ANXA4: variants seen among roughly 807,000 people sequenced by gnomAD.
ANXA4 encodes annexin A4.
ANXA4 carries 39 observed loss-of-function variants against 49.8 expected under a neutral mutation model. The observed-to-expected ratio is 0.78, with a 90% CI of 0.61 to 1.02. The LOEUF is 1.02. Ranked by LOEUF, ANXA4 falls within the 50% of genes least tolerant of loss-of-function variation. The pLI is 0.00. For missense variants in ANXA4, 360 were observed against 410.1 expected (o/e 0.88, Z 1.05); for synonymous variants, 134 against 152.5 (o/e 0.88, Z 0.89).
chr2:69,675,081 C>T (rs1677352692), intron 2 of ANXA4, among the ~76,000 whole-genome samples: 1 of 152,090 alleles, frequency 6.6e-6, no homozygotes, highest in African/African-American at 2.4e-5. Flanking sequence ...TGTCACCATG[C>T]CCGGCTAATT....
chr2:69,743,088 C>G, intron 1 of ANXA4, among the ~76,000 whole-genome samples: 1 of 151,996 alleles, frequency 6.6e-6, no homozygotes. Flanking sequence ...ATACAGTTCA[C>G]TCTGCCTCCC....
At chr2:69,820,607 C>T (rs967474939) in intron 11 of ANXA4, 92 bp from the exon 12 acceptor site, 1 of 1,472,188 alleles carries the variant, frequency 6.8e-7, no homozygotes, top group African/African-American at 1.4e-5. Context: ...ATCGTCAGCA[C>T]AGTCATCTCT....
intron 6 of ANXA4, 100 bp downstream of exon 6, chr2:69,808,096 G>C: frequency 8.7e-7 from 1 of 1,143,932 alleles, no homozygotes. Flanking sequence ...TTCACAGAAC[G>C]CTGAGCATGA....
At chr2:69,647,527 G>A (rs1676056538) in intron 1 of ANXA4, among the ~76,000 whole-genome samples, 2 of 151,830 alleles carry the variant, frequency 1.3e-5, no homozygotes, top group African/African-American at 4.8e-5. Context: ...TTGTGCCTCA[G>A]CCTCCCGAGT....
intron 1 of ANXA4, among the ~76,000 whole-genome samples, chr2:69,743,043 C>G (rs1256897995): frequency 1.3e-5 from 2 of 152,176 alleles, no homozygotes; most frequent in African/African-American, 4.8e-5. Context: ...GACGAGGTCT[C>G]ACTCCTGTAG....
chr2:69,768,983 G>T (rs1225392153), intron 1 of ANXA4, among the ~76,000 whole-genome samples: 1 of 151,960 alleles, frequency 6.6e-6, no homozygotes, highest in East Asian at 1.9e-4. Flanking sequence ...AAATTCCAAA[G>T]GTCTCTAGTC....
chr2:69,753,735 CTTA>C (rs1225405608), intron 1 of ANXA4, among the ~76,000 whole-genome samples: 1 of 151,268 alleles, frequency 6.6e-6, no homozygotes, highest in African/African-American at 2.5e-5. Context: ...CCTTGGACCA[CTTA>C]TTATTTCCTC....
At chr2:69,663,513 T>C (rs527691455) in intron 2 of ANXA4, among the ~76,000 whole-genome samples, 1 of 151,868 alleles carries the variant, frequency 6.6e-6, no homozygotes, top group East Asian at 1.9e-4. Context: ...AGATCAGAAA[T>C]GCTGGGCATG....
intron 2 of ANXA4, among the ~76,000 whole-genome samples, chr2:69,698,104 G>C (rs1448030971): frequency 6.6e-6 from 1 of 152,118 alleles, no homozygotes; most frequent in Non-Finnish European, 1.5e-5. Context: ...AGTCTGATGT[G>C]GCCTGCTTTC....
At chr2:69,684,927 C>T (rs1245740504) in intron 2 of ANXA4, among the ~76,000 whole-genome samples, 1 of 152,008 alleles carries the variant, frequency 6.6e-6, no homozygotes, top group Non-Finnish European at 1.5e-5. Flanking sequence ...AGAAAGAGCC[C>T]AAAGCTGCTC....
At chr2:69,675,150 C>T (rs1194945899) in intron 2 of ANXA4, among the ~76,000 whole-genome samples, 2 of 152,128 alleles carry the variant, frequency 1.3e-5, no homozygotes, top group East Asian at 1.9e-4. Flanking sequence ...TCTCGATCTC[C>T]TGTCCTCGTG....
At position 69,703,599 on chromosome 2, in the gene ANXA4, G is replaced by A. The variant is rs1390071960; in HGVS notation, n.767-17175G>A. Among the ~76,000 whole-genome samples, 6 of 152,080 alleles carry A rather than the reference G, an allele frequency of 3.9e-5. No individual in the cohort carries two copies. The East Asian group carries it at 1.2e-3, about 29-fold the overall frequency. On this transcript the variant is annotated intron_variant and non_coding_transcript_variant, in intron 2 of 3. Coordinates refer to the ANXA4 transcript ENST00000418066. ...TCATACTCTTTCTGGAATTTACTTTGATGAAAGAAGAGGAGTTATACAGCT... is the reference window on the plus strand; with the variant it reads ...TCATACTCTTTCTGGAATTTACTTTAATGAAAGAAGAGGAGTTATACAGCT...
At chr2:69,698,814 C>T (rs781061634) in intron 2 of ANXA4, among the ~76,000 whole-genome samples, 1 of 152,134 alleles carries the variant, frequency 6.6e-6, no homozygotes, top group Non-Finnish European at 1.5e-5. Flanking sequence ...GATACAACTA[C>T]TAATTCATAA....
At chr2:69,798,146 G>A (rs1450333475) in intron 3 of ANXA4, among the ~76,000 whole-genome samples, 1 of 152,134 alleles carries the variant, frequency 6.6e-6, no homozygotes, top group South Asian at 2.1e-4. Flanking sequence ...TTACTGGGGG[G>A]AAAATAACCT....
At chr2:69,675,933 G>T (rs1364267903) in intron 2 of ANXA4, among the ~76,000 whole-genome samples, 2 of 151,222 alleles carry the variant, frequency 1.3e-5, no homozygotes, top group Non-Finnish European at 1.5e-5. Flanking sequence ...TGTGAACCCG[G>T]AAGGCAGAGC....
At position 69,713,241 on chromosome 2, in the gene ANXA4, T is replaced by G. The variant is rs539909427; in HGVS notation, n.767-7533T>G. 1.1e-4 allele frequency among the ~76,000 whole-genome samples: 17 copies of G among 152,244 alleles called. No individual in the cohort carries two copies. The South Asian group carries it at 2.5e-3, about 22-fold the overall frequency. ...GGTAGAGGGAGCCCCTCTATCTCCA[T>G]TCTTTGTTTCCATGAAGAACCTCTA... On this transcript the variant is annotated intron_variant and non_coding_transcript_variant, in intron 2 of 3. Transcript: ENST00000418066.
chr2:69,793,011 T>C (rs1672760237), intron 3 of ANXA4, among the ~76,000 whole-genome samples: 1 of 151,238 alleles, frequency 6.6e-6, no homozygotes, highest in Non-Finnish European at 1.5e-5. Flanking sequence ...CCCAGCACTT[T>C]GGGAGGCCAA....
chr2:69,688,271 C>T (rs989326962), intron 2 of ANXA4, among the ~76,000 whole-genome samples: 2 of 152,102 alleles, frequency 1.3e-5, no homozygotes, highest in Non-Finnish European at 2.9e-5. Context: ...TCTGTGATAA[C>T]GTTTATGTTT....
intron 1 of ANXA4, among the ~76,000 whole-genome samples, chr2:69,774,340 C>CCTT (rs1244524532): frequency 2.0e-5 from 1 of 50,792 alleles, no homozygotes; most frequent in African/African-American, 7.0e-5. Context: ...CCCCCCCCCC[C>CCTT]TTTTTTTTTT....
Sources: allele counts gnomAD v4.1 joint callset (sites outside exome capture counted in the v4.1 genomes callset), GRCh38; gene constraint gnomAD v4.1.1; transcripts MANE v1.5; gene names NCBI Gene and HGNC (gene_info 2026-07-23, HGNC 2026-07-21).